BNC2: variants seen among roughly 807,000 people sequenced by gnomAD.
BNC2 encodes the protein basonuclin zinc finger protein 2, also known as zinc finger protein basonuclin-2.
BNC2 carries 20 observed loss-of-function variants against 76.3 expected under a neutral mutation model. The observed-to-expected ratio is 0.26, with a 90% CI of 0.18 to 0.38. The LOEUF is 0.38. BNC2 is among the 10% of genes least tolerant of loss of function. The pLI is 1.00. For missense variants in BNC2, 1,382 were observed against 1,399.8 expected (o/e 0.99, Z 0.20); for synonymous variants, 582 against 514.8 (o/e 1.13, Z -1.77).
At chr9:16,858,754 G>A (rs1819324346) in intron 1 of BNC2, among the ~76,000 whole-genome samples, 1 of 151,920 alleles carries the variant, frequency 6.6e-6, no homozygotes, top group Admixed American at 6.6e-5. Context: ...GCTGAGGCAG[G>A]AGAATGGCGT....
chr9:16,682,858 A>G (rs759321522), intron 3 of BNC2, among the ~76,000 whole-genome samples: 36 of 152,204 alleles, frequency 2.4e-4, no homozygotes, highest in Non-Finnish European at 4.7e-4. Flanking sequence ...GCACAACTGA[A>G]CTAACAAAGT....
intron 1 of BNC2, among the ~76,000 whole-genome samples, chr9:16,846,618 A>C (rs1210550417): frequency 1.3e-5 from 2 of 152,200 alleles, no homozygotes; most frequent in African/African-American, 4.8e-5. Context: ...CAAGGACCAC[A>C]TATTTTCATA....
At chr9:16,666,620 T>C (rs1822298954) in intron 3 of BNC2, among the ~76,000 whole-genome samples, 1 of 152,234 alleles carries the variant, frequency 6.6e-6, no homozygotes, top group African/African-American at 2.4e-5. Context: ...CAGCTTTCAT[T>C]ACTGAGACTC....
intron 1 of BNC2, among the ~76,000 whole-genome samples, chr9:16,808,735 A>T (rs995364485): frequency 7.2e-5 from 11 of 151,726 alleles, no homozygotes; most frequent in African/African-American, 2.7e-4. Flanking sequence ...CTATTTATAA[A>T]ATAGAAAAAA....
Position 16,698,482 on chromosome 9 carries a change from G to C in BNC2, c.330+29315C>G, listed in dbSNP as rs371420928. Among the ~76,000 whole-genome samples, 4 of 152,198 alleles carry C rather than the reference G, an allele frequency of 2.6e-5. No homozygotes were observed. The South Asian group carries it at 8.3e-4, about 31-fold the overall frequency. ...GAGGCGGGAGGATCACCTGAGGTCA[G>C]GAGTTAGAGATCAGCCTGACCAACA... On this transcript the variant is annotated intron_variant, in intron 3 of 6. Transcript: ENST00000380672.
chr9:16,625,218 T>C (rs1820960960), intron 3 of BNC2, among the ~76,000 whole-genome samples: 1 of 152,172 alleles, frequency 6.6e-6, no homozygotes, highest in Non-Finnish European at 1.5e-5. Context: ...TTTCTTTGGA[T>C]AAAATTAATG....
intron 3 of BNC2, among the ~76,000 whole-genome samples, chr9:16,688,275 T>A (rs1314704300): frequency 1.3e-5 from 2 of 152,206 alleles, no homozygotes; most frequent in South Asian, 4.1e-4. Context: ...ACAAAAGAGA[T>A]AAAAGCTGAT....
chr9:16,582,746 T>C (rs1457435758), intron 4 of BNC2, among the ~76,000 whole-genome samples: 1 of 152,190 alleles, frequency 6.6e-6, no homozygotes, highest in Non-Finnish European at 1.5e-5. Context: ...AACTGTCCTA[T>C]AAACATCTTG....
At chr9:16,519,868 T>C (rs1056157055) in intron 5 of BNC2, among the ~76,000 whole-genome samples, 1 of 152,142 alleles carries the variant, frequency 6.6e-6, no homozygotes, top group Non-Finnish European at 1.5e-5. Flanking sequence ...TCCTTCCAGG[T>C]AGAACTAAAG....
chr9:16,546,228 CAAAGGT>C (rs1818478834), intron 5 of BNC2, among the ~76,000 whole-genome samples: 1 of 152,172 alleles, frequency 6.6e-6, no homozygotes, highest in Admixed American at 6.5e-5. Context: ...TTTAGACACT[CAAAGGT>C]AGAGACATGA....
intron 3 of BNC2, among the ~76,000 whole-genome samples, chr9:16,663,128 C>CTATTTTTTTTTTTTTTTTTTTTTTTTT (rs1220327938): frequency 1.9e-5 from 1 of 51,650 alleles, no homozygotes; most frequent in African/African-American, 6.9e-5. Context: ...ACTCTGTTTA[C>CTATTTTTTTTTTTTTTTTTTTTTTTTT]TCTTTTTTTT....
chr9:16,521,382 T>C (rs1468758510), intron 5 of BNC2, among the ~76,000 whole-genome samples: 2 of 152,260 alleles, frequency 1.3e-5, no homozygotes, highest in Admixed American at 6.5e-5. Flanking sequence ...GGGACAATGT[T>C]GCTGATTTGG....
intron 4 of BNC2, among the ~76,000 whole-genome samples, chr9:16,558,542 T>A (rs1300126992): frequency 6.6e-6 from 1 of 152,180 alleles, no homozygotes; most frequent in African/African-American, 2.4e-5. Flanking sequence ...CCCTCTGCCA[T>A]TTTCTCACTG....
chr9:16,716,170 A>G (rs1823990257), intron 3 of BNC2, among the ~76,000 whole-genome samples: 1 of 152,194 alleles, frequency 6.6e-6, no homozygotes. Flanking sequence ...CTTCCTTTCT[A>G]GAGCTATCAT....
intron 5 of BNC2, among the ~76,000 whole-genome samples, chr9:16,516,532 C>G (rs1817445649): frequency 6.6e-6 from 1 of 152,062 alleles, no homozygotes; most frequent in African/African-American, 2.4e-5. Context: ...ACCCAGAAAC[C>G]CCCCCAATAC....
chr9:16,486,604 T>C (rs1453531028), intron 5 of BNC2, among the ~76,000 whole-genome samples: 1 of 152,236 alleles, frequency 6.6e-6, no homozygotes. Context: ...CTCAGAAACA[T>C]TTAATGACAC....
At chr9:16,748,922 C>CTATA (rs34314862) in intron 1 of BNC2, among the ~76,000 whole-genome samples, 2,859 of 130,412 alleles carry the variant, frequency 0.022, 82 homozygotes, top group African/African-American at 0.066. Flanking sequence ...ACTTTTTATA[C>CTATA]TATATATATA....
intron 4 of BNC2, among the ~76,000 whole-genome samples, chr9:16,564,821 C>G (rs1317303116): frequency 1.3e-5 from 2 of 152,138 alleles, no homozygotes; most frequent in Non-Finnish European, 2.9e-5. Flanking sequence ...GTATCTACAT[C>G]TACTTTTTTC....
At chr9:16,763,263 T>C (rs545816801) in intron 1 of BNC2, among the ~76,000 whole-genome samples, 1 of 152,212 alleles carries the variant, frequency 6.6e-6, no homozygotes, top group East Asian at 1.9e-4. Flanking sequence ...CCCCACAAAA[T>C]AGTACAATGC....
Sources: allele counts gnomAD v4.1 joint callset (sites outside exome capture counted in the v4.1 genomes callset), GRCh38; gene constraint gnomAD v4.1.1; transcripts MANE v1.5; gene names NCBI Gene and HGNC (gene_info 2026-07-23, HGNC 2026-07-21).